Variants in CREB5 observed in about 807,000 individuals in gnomAD.
CREB5 encodes cyclic AMP-responsive element-binding protein 5.
In CREB5, 19 loss-of-function variants were observed where a neutral mutation model predicts 57.1. The observed-to-expected ratio is 0.33, with a 90% CI of 0.23 to 0.49. The LOEUF (loss-of-function observed/expected upper bound fraction) is 0.49, where lower values mean the gene tolerates loss of function less well. Among genes scored for constraint, CREB5 ranks in the 20% least tolerant of loss-of-function variants. The pLI is 0.99. For missense variants in CREB5, 579 were observed against 671.6 expected, an observed-to-expected ratio of 0.86 and a Z score of 1.52; for synonymous variants, 238 against 238.3, an observed-to-expected ratio of 1.00 and a Z score of 0.01.
At chr7:28,818,858 C>T (rs904906990) in intron 10 of CREB5, 1 of 567,718 alleles carries the variant, frequency 1.8e-6, no homozygotes, top group Non-Finnish European at 3.3e-6. Flanking sequence ...GTTCACATAT[C>T]CATGACTGAA....
intron 1 of CREB5, among the ~76,000 whole-genome samples, chr7:28,312,186 A>C (rs777365922): frequency 4.7e-4 from 48 of 103,202 alleles, no homozygotes; most frequent in Non-Finnish European, 4.0e-4. Context: ...TACTTAGCTA[A>C]TTGATAAAAA....
At chr7:28,560,407 T>A (rs1795037850) in intron 4 of CREB5, among the ~76,000 whole-genome samples, 1 of 152,176 alleles carries the variant, frequency 6.6e-6, no homozygotes, top group African/African-American at 2.4e-5. Context: ...GGGCTTTTAC[T>A]GATGGTAATG....
intron 1 of CREB5, among the ~76,000 whole-genome samples, chr7:28,441,610 C>T (rs1482625520): frequency 6.6e-6 from 1 of 152,078 alleles, no homozygotes; most frequent in African/African-American, 2.4e-5. Context: ...AAATACTCAG[C>T]CTTTAGTGAA....
At chr7:28,567,906 G>A (rs1007128039) in intron 4 of CREB5, among the ~76,000 whole-genome samples, 2 of 149,970 alleles carry the variant, frequency 1.3e-5, no homozygotes, top group East Asian at 2.0e-4. Flanking sequence ...CTTCCAAACC[G>A]ATGGCTTAGG....
At chr7:28,336,084 A>T (rs2079991) in intron 1 of CREB5, among the ~76,000 whole-genome samples, 110,050 of 151,962 alleles carry the variant, frequency 0.72, 40,194 homozygotes, top group Non-Finnish European at 0.77. Flanking sequence ...AATATGGTAT[A>T]GAACTCAGTT....
intron 1 of CREB5, among the ~76,000 whole-genome samples, chr7:28,399,952 GGAGGCT>G (rs1787423736): frequency 6.6e-6 from 1 of 152,118 alleles, no homozygotes; most frequent in Non-Finnish European, 1.5e-5. Context: ...CAGGTACTCG[GGAGGCT>G]GAGGCAGGAG....
chr7:28,784,948 G>T (rs1240455405), intron 7 of CREB5, among the ~76,000 whole-genome samples: 2 of 152,066 alleles, frequency 1.3e-5, no homozygotes, highest in Non-Finnish European at 2.9e-5. Flanking sequence ...CCTCTTTTCT[G>T]TGTATCCTAG....
chr7:28,574,722 A>G (rs780803942), intron 5 of CREB5, among the ~76,000 whole-genome samples: 2 of 152,224 alleles, frequency 1.3e-5, no homozygotes, highest in Non-Finnish European at 2.9e-5. Context: ...TATATCTAAC[A>G]TTAGAATATA....
In CREB5 at chr7:28,560,911, T is replaced by TGCGCGTGCGCGCGC. The variant is rs1174704522; in HGVS notation, c.292-9453_292-9452insCGCGTGCGCGCGCG. On this transcript the variant is annotated intron_variant, in intron 4 of 10. Transcript: ENST00000357727. Reference sequence around the variant, plus strand: ...GCGTGTGTGTGCGTGCGCGCGTGCGTGTGCGTGTGTGCGCGTGCGTGTGTG... The same window carrying TGCGCGTGCGCGCGC: ...GCGTGTGTGTGCGTGCGCGCGTGCGTGCGCGTGCGCGCGCGTGCGTGTGTGCGCGTGCGTGTGTG... Among the ~76,000 whole-genome samples, 5 of 36,056 alleles carry TGCGCGTGCGCGCGC rather than the reference T, an allele frequency of 1.4e-4. 1 individual carries two copies. Among genetic ancestry groups the TGCGCGTGCGCGCGC allele is most frequent in the Non-Finnish European group, 2.0e-4 (4 of 19,800 alleles). 23.7% of individuals were successfully genotyped at this position (36,056 alleles called of 152,430 possible). A position where few individuals can be genotyped will look rare whatever the true frequency, so the allele number is the denominator to read the frequency against.
intron 4 of CREB5, among the ~76,000 whole-genome samples, chr7:28,560,911 T>TCTGC (rs1795171768): frequency 2.8e-5 from 1 of 36,056 alleles, no homozygotes; most frequent in African/African-American, 1.5e-4. Flanking sequence ...CGCGCGTGCG[T>TCTGC]GTGCGTGTGT....
At chr7:28,332,046 C>G (rs73082461) in intron 1 of CREB5, among the ~76,000 whole-genome samples, 1 of 151,952 alleles carries the variant, frequency 6.6e-6, no homozygotes, top group African/African-American at 2.4e-5. Flanking sequence ...TTTGGATAGG[C>G]CCTAAATTCA....
At chr7:28,596,771 G>A (rs1796703517) in intron 5 of CREB5, among the ~76,000 whole-genome samples, 1 of 152,158 alleles carries the variant, frequency 6.6e-6, no homozygotes, top group Non-Finnish European at 1.5e-5. Context: ...AAATAAATGA[G>A]ATAATACATA....
At chr7:28,502,188 A>G (rs943293050) in intron 3 of CREB5, among the ~76,000 whole-genome samples, 7 of 152,200 alleles carry the variant, frequency 4.6e-5, no homozygotes, top group Non-Finnish European at 1.0e-4. Flanking sequence ...TAAAAGGCAC[A>G]TTTGTTGCAA....
At position 28,823,771 on chromosome 7, in the gene CREB5, C is replaced by CT. The variant is rs1029793430; in HGVS notation, c.*4494dup. 2 of 152,526 alleles carry CT rather than the reference C, an allele frequency of 1.3e-5. No homozygotes were observed. The highest frequency in any genetic ancestry group is 2.9e-5 in the Non-Finnish European group (2 of 68,032). The allele number at this position is 152,526 out of a possible 1,614,324, so 9.4% of individuals were successfully genotyped here. A position where few individuals can be genotyped will look rare whatever the true frequency, so the allele number is the denominator to read the frequency against. ...AGAAAGCCTTGCACTATTCAGCTCC[C>CT]TTAGTGCTTTTTGTCCCTTCCCGAA... On this transcript the variant is annotated 3_prime_UTR_variant, in exon 11 of 11. Transcript: ENST00000357727.
intron 5 of CREB5, among the ~76,000 whole-genome samples, chr7:28,665,234 G>T (rs372814520): frequency 1.3e-5 from 2 of 152,268 alleles, no homozygotes. Flanking sequence ...GGAGGATGGG[G>T]TAGGGGAGAG....
At chr7:28,429,692 C>T (rs150786654) in intron 1 of CREB5, among the ~76,000 whole-genome samples, 6 of 152,314 alleles carry the variant, frequency 3.9e-5, no homozygotes, top group African/African-American at 1.2e-4. Flanking sequence ...CTTATATAAA[C>T]TTCCTAATGA....
chr7:28,595,108 C>A (rs1562518254), intron 5 of CREB5, among the ~76,000 whole-genome samples: 1 of 152,128 alleles, frequency 6.6e-6, no homozygotes, highest in Non-Finnish European at 1.5e-5. Context: ...TAATACAAGA[C>A]CTTCACTTCT....
At chr7:28,343,668 T>C (rs1785979452) in intron 1 of CREB5, among the ~76,000 whole-genome samples, 2 of 152,248 alleles carry the variant, frequency 1.3e-5, no homozygotes, top group Admixed American at 1.3e-4. Context: ...TATTGCGCAA[T>C]AAACATGGGC....
chr7:28,800,349 C>T (rs536618960), intron 7 of CREB5, among the ~76,000 whole-genome samples: 6 of 152,142 alleles, frequency 3.9e-5, no homozygotes, highest in Non-Finnish European at 8.8e-5. Flanking sequence ...GTGCATGACG[C>T]GCCCTCCAGA....
Sources: allele counts gnomAD v4.1 joint callset (sites outside exome capture counted in the v4.1 genomes callset), GRCh38; gene constraint gnomAD v4.1.1; transcripts MANE v1.5; gene names NCBI Gene and HGNC (gene_info 2026-07-23, HGNC 2026-07-21).